ADAM12: variants seen among roughly 807,000 people sequenced by gnomAD.
ADAM12 encodes ADAM metallopeptidase domain 12.
Under a neutral mutation model 106.4 loss-of-function variants are expected in ADAM12, and 70 were observed. The observed-to-expected ratio is 0.66, with a 90% CI of 0.54 to 0.80. The LOEUF is 0.80. Among genes scored for constraint, ADAM12 ranks in the 30% least tolerant of loss-of-function variants. The pLI is 0.00. For missense variants in ADAM12, 1,010 were observed against 1,171.9 expected (o/e 0.86, Z 2.02); for synonymous variants, 420 against 433.5 (o/e 0.97, Z 0.39).
At chr10:126,057,918 C>T (rs930709460) in intron 14 of ADAM12, among the ~76,000 whole-genome samples, 1 of 152,208 alleles carries the variant, frequency 6.6e-6, no homozygotes, top group African/African-American at 2.4e-5. Flanking sequence ...TTAATTGGAG[C>T]TAACTTTCCT....
At chr10:126,143,092 C>T (rs151158869) in intron 4 of ADAM12, among the ~76,000 whole-genome samples, 7 of 144,276 alleles carry the variant, frequency 4.9e-5, no homozygotes, top group East Asian at 2.1e-4. Context: ...TGTATATGTA[C>T]GTGTGTATAT....
intron 1 of ADAM12, among the ~76,000 whole-genome samples, chr10:126,347,824 T>G (rs1855205291): frequency 6.6e-6 from 1 of 152,234 alleles, no homozygotes; most frequent in Admixed American, 6.5e-5. Flanking sequence ...AACAGGTTTA[T>G]TTCTAAAACA....
At chr10:126,114,258 CAAACTGAATGTTA>C (rs1426109391) in intron 6 of ADAM12, among the ~76,000 whole-genome samples, 1 of 152,092 alleles carries the variant, frequency 6.6e-6, no homozygotes, top group East Asian at 1.9e-4. Context: ...CTGAATCCGG[CAAACTGAATGTTA>C]ATAGGGAGAA....
At chr10:126,143,283 C>G (rs1488372214) in intron 4 of ADAM12, among the ~76,000 whole-genome samples, 1 of 99,528 alleles carries the variant, frequency 1.0e-5, no homozygotes. Context: ...TATGGGTATG[C>G]ATGTGTGTGT....
At chr10:126,223,098 T>C (rs1360308284) in intron 3 of ADAM12, among the ~76,000 whole-genome samples, 1 of 152,236 alleles carries the variant, frequency 6.6e-6, no homozygotes, top group African/African-American at 2.4e-5. Context: ...ATTTTGCCTA[T>C]CGTTTTTCCT....
At chr10:126,046,194 A>G in intron 16 of ADAM12, 62 bp from the exon 17 acceptor site, 1 of 1,454,842 alleles carries the variant, frequency 6.9e-7, no homozygotes, top group South Asian at 1.1e-5. Context: ...CAGCATGCAT[A>G]CATACCTGTA....
rs553991637 is a variant in ADAM12, at chr10:126,041,451, T to G, written c.2104+1589A>C. The stretch of plus-strand genomic sequence containing the variant: ...TCTTACTTGTTAAATGAAGGGTTGG[T>G]GACTCTGTGGGTTCCCTGGCTTTCT... On this transcript the variant is annotated intron_variant, in intron 18 of 22. Coordinates refer to ENST00000448723, the MANE Select transcript of ADAM12 (RefSeq NM_001288973.2). 412 of 985,726 alleles carry G rather than the reference T, an allele frequency of 4.2e-4. 2 individuals carry two copies. In the African/African-American group the frequency reaches 6.5e-3, roughly 16 times the overall value. 61.1% of individuals were successfully genotyped at this position (985,726 alleles called of 1,614,324 possible). A position where few individuals can be genotyped will look rare whatever the true frequency, so the allele number is the denominator to read the frequency against.
chr10:126,182,356 T>G (rs1216887341), intron 3 of ADAM12, among the ~76,000 whole-genome samples: 1 of 152,172 alleles, frequency 6.6e-6, no homozygotes, highest in Non-Finnish European at 1.5e-5. Flanking sequence ...ATTTATAGTC[T>G]CGTACAAATG....
At chr10:126,047,943 C>T (rs1954371414) in intron 16 of ADAM12, among the ~76,000 whole-genome samples, 1 of 152,174 alleles carries the variant, frequency 6.6e-6, no homozygotes, top group Admixed American at 6.5e-5. Context: ...ACATATACAC[C>T]ATGGAATACT....
chr10:126,249,547 A>T (rs1269826739), intron 3 of ADAM12, among the ~76,000 whole-genome samples: 1 of 152,100 alleles, frequency 6.6e-6, no homozygotes, highest in East Asian at 1.9e-4. Context: ...AAATACAAAA[A>T]ATTAGCCGCG....
chr10:126,303,260 T>G (rs1324438475), intron 2 of ADAM12, among the ~76,000 whole-genome samples: 1 of 152,212 alleles, frequency 6.6e-6, no homozygotes, highest in Non-Finnish European at 1.5e-5. Flanking sequence ...TACTATCCTA[T>G]GTATATCACC....
chr10:126,257,629 C>T lies in ADAM12; in HGVS notation c.260+21286G>A, dbSNP rs189158096. Among the ~76,000 whole-genome samples the T allele has an allele frequency of 3.2e-3, 483 of 152,296 alleles. 3 individuals are homozygous for T. The highest frequency in any genetic ancestry group is 0.011 in the African/African-American group (457 of 41,566). ...GGAAATATGACCTGTCACACAATCG[C>T]ATAAAAATTTACATCGCAGATAAAA... On this transcript the variant is annotated intron_variant, in intron 3 of 22. Transcript: ENST00000448723.
chr10:126,376,169 C>T (rs1224813482), intron 1 of ADAM12, among the ~76,000 whole-genome samples: 1 of 152,066 alleles, frequency 6.6e-6, no homozygotes, highest in Non-Finnish European at 1.5e-5. Flanking sequence ...TGATTATTCT[C>T]TTAGAATTTC....
At position 126,081,799 on chromosome 10, in the gene ADAM12, G is replaced by A. The variant is rs114812095; in HGVS notation, c.1146-10145C>T. On this transcript the variant is annotated intron_variant, in intron 11 of 22. Transcript: ENST00000448723. Reference sequence around the variant, plus strand: ...CTCCTAGTACTGACAGGCAAAAGATGTGTCTTTCTTTCTCCCATTGGGAGT... The same window carrying A: ...CTCCTAGTACTGACAGGCAAAAGATATGTCTTTCTTTCTCCCATTGGGAGT... 4.4e-3 allele frequency among the ~76,000 whole-genome samples: 671 copies of A among 152,342 alleles called. 5 individuals carry two copies. The highest frequency in any genetic ancestry group is 0.015 in the African/African-American group (634 of 41,574).
chr10:126,113,194 T>C (rs1332532073), intron 6 of ADAM12, among the ~76,000 whole-genome samples: 3 of 152,054 alleles, frequency 2.0e-5, no homozygotes, highest in Non-Finnish European at 4.4e-5. Context: ...GTCCTGAGGC[T>C]GGGGAGAGCT....
intron 13 of ADAM12, among the ~76,000 whole-genome samples, chr10:126,065,689 CAA>C (rs1225229814): frequency 6.6e-6 from 1 of 152,126 alleles, no homozygotes; most frequent in Admixed American, 6.5e-5. Context: ...TCCTCAAACG[CAA>C]AGAGATAAGA....
chr10:126,324,204 A>G lies in ADAM12; in HGVS notation c.186+6208T>C, dbSNP rs368769924. 1.2e-4 allele frequency among the ~76,000 whole-genome samples: 19 copies of G among 152,366 alleles called. No homozygotes were observed. The East Asian group carries it at 3.5e-3, about 28-fold the overall frequency. ...TATAAAGACAAAGGTATGGGAAGGA[A>G]GAATTTGGCCAGGAGGCCAGGGGTT... On this transcript the variant is annotated intron_variant, in intron 2 of 22. Transcript: ENST00000448723.
intron 4 of ADAM12, among the ~76,000 whole-genome samples, chr10:126,138,818 T>C (rs112664177): frequency 0.12 from 6,035 of 52,202 alleles, 403 homozygotes; most frequent in African/African-American, 0.33. Flanking sequence ...TACACATATC[T>C]TTTTCTTTTT....
intron 3 of ADAM12, among the ~76,000 whole-genome samples, chr10:126,263,901 C>T (rs1959048296): frequency 6.6e-6 from 1 of 152,094 alleles, no homozygotes; most frequent in Non-Finnish European, 1.5e-5. Context: ...GAAGTACTTA[C>T]AGAATATAAG....
Sources: gnomAD v4.1 joint callset for allele counts (sites outside exome capture counted in the v4.1 genomes callset) on GRCh38, gnomAD v4.1.1 for gene constraint, MANE v1.5 for transcripts, NCBI Gene and HGNC (gene_info 2026-07-23, HGNC 2026-07-21) for gene names.